The following MBD5 variants were observed in gnomAD, a reference collection of about 807,000 sequenced individuals.
MBD5 encodes the protein methyl-CpG-binding domain protein 5.
Under a neutral mutation model 117.3 loss-of-function variants are expected in MBD5, and 13 were observed. The observed-to-expected ratio is 0.11, with a 90% confidence interval of 0.07 to 0.18. The LOEUF (loss-of-function observed/expected upper bound fraction) is 0.18, where lower values mean the gene tolerates loss of function less well. Ranked by LOEUF, MBD5 falls within the 10% of genes least tolerant of loss-of-function variation. The pLI, the probability that MBD5 is intolerant of heterozygous loss-of-function variation, is 1.00. For missense variants in MBD5, 1,879 were observed against 2,093.8 expected, an observed-to-expected ratio of 0.90 and a Z score of 2.00; for synonymous variants, 727 against 766.4, an observed-to-expected ratio of 0.95 and a Z score of 0.85.
At chr2:148,143,680 C>A (rs1161434977) in intron 1 of MBD5, among the ~76,000 whole-genome samples, 1 of 152,130 alleles carries the variant, frequency 6.6e-6, no homozygotes. Flanking sequence ...TCAATTCCAA[C>A]CTATGAATGA....
chr2:148,426,658 G>T (rs868732547), intron 4 of MBD5, among the ~76,000 whole-genome samples: 1 of 151,986 alleles, frequency 6.6e-6, no homozygotes. Flanking sequence ...AATTCAAGAT[G>T]GATTAAAGAC....
chr2:148,039,761 G>C (rs1336001306), intron 1 of MBD5, among the ~76,000 whole-genome samples: 1 of 152,036 alleles, frequency 6.6e-6, no homozygotes, highest in Non-Finnish European at 1.5e-5. Context: ...ATTTTATAAG[G>C]AGTTGCTGTG....
At chr2:148,069,256 T>A (rs1695290197) in intron 1 of MBD5, among the ~76,000 whole-genome samples, 1 of 152,180 alleles carries the variant, frequency 6.6e-6, no homozygotes, top group Non-Finnish European at 1.5e-5. Context: ...TTTATATTAT[T>A]TTTGTAATGG....
intron 4 of MBD5, among the ~76,000 whole-genome samples, chr2:148,345,390 CATATACAT>C (rs74201656): frequency 0.16 from 22,420 of 138,536 alleles, 2,983 homozygotes; most frequent in East Asian, 0.52. Flanking sequence ...TACACATATA[CATATACAT>C]ATATACACAT....
intron 4 of MBD5, among the ~76,000 whole-genome samples, chr2:148,345,412 CATATACAT>C (rs1235278676): frequency 2.8e-5 from 4 of 142,170 alleles, no homozygotes; most frequent in East Asian, 2.1e-4. Context: ...TACACATATA[CATATACAT>C]ATATACACAT....
chr2:148,345,789 C>G (rs1001847424), intron 4 of MBD5, among the ~76,000 whole-genome samples: 1 of 151,356 alleles, frequency 6.6e-6, no homozygotes, highest in Admixed American at 6.6e-5. Context: ...AGCTGAGGAG[C>G]AAGGAGAGCC....
intron 3 of MBD5, among the ~76,000 whole-genome samples, chr2:148,244,903 A>G (rs1301773610): frequency 6.6e-6 from 1 of 152,202 alleles, no homozygotes; most frequent in East Asian, 1.9e-4. Flanking sequence ...CCAAATACCA[A>G]CTGTAAAAAG....
At chr2:148,186,950 AT>A (rs955178468) in intron 2 of MBD5, among the ~76,000 whole-genome samples, 1 of 152,188 alleles carries the variant, frequency 6.6e-6, no homozygotes, top group African/African-American at 2.4e-5. Flanking sequence ...TAGAAAATAT[AT>A]TTTTTAGCTC....
At chr2:148,187,119 G>A (rs924294104) in intron 2 of MBD5, among the ~76,000 whole-genome samples, 2 of 152,166 alleles carry the variant, frequency 1.3e-5, no homozygotes, top group East Asian at 3.8e-4. Flanking sequence ...TACTCAGGAG[G>A]CTGAAGTGGA....
intron 1 of MBD5, among the ~76,000 whole-genome samples, chr2:148,074,916 G>A (rs751465578): frequency 6.6e-6 from 1 of 152,086 alleles, no homozygotes; most frequent in Non-Finnish European, 1.5e-5. Flanking sequence ...TTATTCGAGG[G>A]TCTTGGAGAA....
At chr2:148,304,086 C>G (rs181907666) in intron 3 of MBD5, among the ~76,000 whole-genome samples, 1 of 152,092 alleles carries the variant, frequency 6.6e-6, no homozygotes, top group South Asian at 2.1e-4. Context: ...CTGCAGATCT[C>G]CCCGATTCCT....
At chr2:148,208,457 A>G (rs1240604743) in intron 2 of MBD5, among the ~76,000 whole-genome samples, 4 of 151,984 alleles carry the variant, frequency 2.6e-5, no homozygotes, top group Non-Finnish European at 5.9e-5. Flanking sequence ...GAGTTTCACC[A>G]TGTTGGCCAG....
intron 1 of MBD5, among the ~76,000 whole-genome samples, chr2:148,168,684 G>C (rs914929524): frequency 9.9e-5 from 15 of 151,900 alleles, no homozygotes; most frequent in African/African-American, 3.1e-4. Context: ...TCAAGGCTGT[G>C]GTGAGCCATG....
chr2:148,358,627 A>C (rs980277493), intron 4 of MBD5, among the ~76,000 whole-genome samples: 5 of 150,314 alleles, frequency 3.3e-5, no homozygotes, highest in African/African-American at 1.2e-4. Flanking sequence ...ACAAAAAAAA[A>C]AAAAAAAAAA....
rs117127261 is a variant in MBD5, at chr2:148,443,305, A to G, written c.-556-14898A>G. Among the ~76,000 whole-genome samples, 45 of 151,454 alleles carry G rather than the reference A, an allele frequency of 3.0e-4. No homozygotes were observed. In the East Asian group the frequency reaches 8.7e-3, roughly 29 times the overall value. On this transcript the variant is annotated intron_variant, in intron 4 of 13. Coordinates refer to ENST00000642680, the MANE Select transcript of MBD5 (RefSeq NM_001378120.1). ...TACACTGTTGTACACTGGAAATGTA[A>G]ATTGGGAATGTAAAGAGAGAACAGT...
intron 12 of MBD5, among the ~76,000 whole-genome samples, chr2:148,505,864 T>C (rs1682015306): frequency 1.3e-5 from 2 of 152,216 alleles, no homozygotes; most frequent in Admixed American, 6.5e-5. Flanking sequence ...GTCCTGTTTC[T>C]ACCACTTCAT....
At chr2:148,253,422 T>G (rs751276136) in intron 3 of MBD5, among the ~76,000 whole-genome samples, 3 of 152,148 alleles carry the variant, frequency 2.0e-5, no homozygotes, top group Non-Finnish European at 2.9e-5. Flanking sequence ...TAACTATATA[T>G]GACAAATGCT....
chr2:148,507,147 G>T (rs951937523), intron 12 of MBD5, among the ~76,000 whole-genome samples: 1 of 152,170 alleles, frequency 6.6e-6, no homozygotes, highest in Admixed American at 6.5e-5. Flanking sequence ...AATGCAAGGT[G>T]TTTACAAATA....
At chr2:148,134,251 G>A (rs1304948817) in intron 1 of MBD5, among the ~76,000 whole-genome samples, 3 of 140,956 alleles carry the variant, frequency 2.1e-5, no homozygotes, top group East Asian at 4.1e-4. Context: ...TCGATCTACC[G>A]ATAGAAAGTA....
Sources: gnomAD v4.1 joint callset for allele counts (sites outside exome capture counted in the v4.1 genomes callset) on GRCh38, gnomAD v4.1.1 for gene constraint, MANE v1.5 for transcripts, NCBI Gene and HGNC (gene_info 2026-07-23, HGNC 2026-07-21) for gene names.